Variants in CNTNAP2 observed in about 807,000 individuals in gnomAD.
CNTNAP2 encodes the protein contactin associated protein 2.
In CNTNAP2, 98 loss-of-function variants were observed where a neutral mutation model predicts 155.2. The ratio of observed to expected loss-of-function variants is 0.63; its 90% confidence interval spans 0.54 to 0.75. CNTNAP2 has a LOEUF of 0.75. Ranked by LOEUF, CNTNAP2 falls within the 30% of genes least tolerant of loss-of-function variation. CNTNAP2 has a pLI of 0.00. For synonymous variants in CNTNAP2, 651 were observed against 631.2 expected (o/e 1.03, Z -0.47); for missense variants, 1,727 against 1,688.1 (o/e 1.02, Z -0.40).
At position 146,255,790 on chromosome 7, in the gene CNTNAP2, T is replaced by A. The variant is rs569471893; in HGVS notation, c.97+138817T>A. On this transcript the variant is annotated intron_variant, in intron 1 of 23. Transcript: ENST00000361727. ...ATAGTTGGCATTTGTAGCTGGAAAG[T>A]GTAAGGGCCGGTTCCAGAGGTTTGC... Among the ~76,000 whole-genome samples the A allele has an allele frequency of 1.1e-4, 16 of 152,190 alleles. No individual in the cohort carries two copies. The East Asian group carries it at 3.1e-3, about 29-fold the overall frequency.
intron 9 of CNTNAP2, among the ~76,000 whole-genome samples, chr7:147,315,678 A>C (rs2620445): frequency 0.49 from 74,455 of 151,400 alleles, 19,457 homozygotes; most frequent in East Asian, 0.73. Flanking sequence ...GATGGCGTTT[A>C]ACTGTGTCAG....
chr7:146,548,003 G>A (rs1029546078), intron 1 of CNTNAP2, among the ~76,000 whole-genome samples: 1 of 151,626 alleles, frequency 6.6e-6, no homozygotes, highest in Non-Finnish European at 1.5e-5. Flanking sequence ...ACATGTGTAG[G>A]TTTGTTACAC....
At chr7:146,824,923 CTA>C (rs2129197223) in intron 2 of CNTNAP2, among the ~76,000 whole-genome samples, 1 of 149,574 alleles carries the variant, frequency 6.7e-6, no homozygotes, top group East Asian at 2.0e-4. Flanking sequence ...TAGCCCATTG[CTA>C]TGTCAACCAG....
intron 1 of CNTNAP2, among the ~76,000 whole-genome samples, chr7:146,734,614 G>T (rs1376534992): frequency 6.6e-6 from 1 of 151,936 alleles, no homozygotes; most frequent in Non-Finnish European, 1.5e-5. Context: ...ATTAAAATGT[G>T]GTATGGTCTA....
chr7:148,277,895 T>C (rs758344144), intron 21 of CNTNAP2, among the ~76,000 whole-genome samples: 14 of 152,090 alleles, frequency 9.2e-5, no homozygotes, highest in Non-Finnish European at 1.3e-4. Flanking sequence ...CAATTCTATT[T>C]TTATCACTAA....
At chr7:147,705,006 A>G (rs903565633) in intron 13 of CNTNAP2, among the ~76,000 whole-genome samples, 2 of 152,028 alleles carry the variant, frequency 1.3e-5, no homozygotes, top group African/African-American at 4.8e-5. Context: ...ATCTTTTAAA[A>G]AACCAACTTT....
At chr7:146,317,307 T>C (rs566737584) in intron 1 of CNTNAP2, among the ~76,000 whole-genome samples, 1 of 152,232 alleles carries the variant, frequency 6.6e-6, no homozygotes, top group African/African-American at 2.4e-5. Flanking sequence ...CAAGACAGGC[T>C]AAATCCAGTA....
chr7:147,429,196 G>A (rs755273626), intron 10 of CNTNAP2, among the ~76,000 whole-genome samples: 53 of 151,332 alleles, frequency 3.5e-4, no homozygotes, highest in Admixed American at 2.8e-3. Flanking sequence ...TTATCCACTT[G>A]TTGGTCAATG....
chr7:146,224,545 A>C (rs1177729082), intron 1 of CNTNAP2, among the ~76,000 whole-genome samples: 2 of 151,382 alleles, frequency 1.3e-5, no homozygotes, highest in African/African-American at 4.9e-5. Flanking sequence ...CAGGAGATTG[A>C]GACTATCCTG....
At chr7:146,745,937 G>A (rs1451925647) in intron 1 of CNTNAP2, among the ~76,000 whole-genome samples, 4 of 152,116 alleles carry the variant, frequency 2.6e-5, no homozygotes, top group East Asian at 3.9e-4. Flanking sequence ...AAACAGATGT[G>A]CTTTCAATAA....
At chr7:147,968,946 A>G (rs1288181262) in intron 14 of CNTNAP2, among the ~76,000 whole-genome samples, 1 of 152,228 alleles carries the variant, frequency 6.6e-6, no homozygotes, top group Non-Finnish European at 1.5e-5. Context: ...TAGGCAGAAA[A>G]GGTCTGAAGA....
chr7:147,831,192 G>C lies in CNTNAP2; in HGVS notation c.2099-72373G>C, dbSNP rs1474250377. The stretch of plus-strand genomic sequence containing the variant: ...GACATTAAATTAATCATAAATTATA[G>C]TGATTAATTACATTAAAACAGTAGC... On this transcript the variant is annotated intron_variant, in intron 13 of 23. Coordinates refer to ENST00000361727, the MANE Select transcript of CNTNAP2 (RefSeq NM_014141.6). 2.0e-5 allele frequency among the ~76,000 whole-genome samples: 3 copies of C among 152,094 alleles called. No individual in the cohort carries two copies. In the East Asian group the frequency reaches 5.8e-4, roughly 29 times the overall value.
chr7:148,000,186 G>A lies in CNTNAP2; in HGVS notation c.2383+22197G>A, dbSNP rs543944251. Among the ~76,000 whole-genome samples the A allele has an allele frequency of 3.3e-5, 5 of 152,236 alleles. No individual in the cohort carries two copies. The South Asian group carries it at 6.2e-4, about 19-fold the overall frequency. ...TGCGGAGTCAGTGAGGACACCCACCGCTCCCCTGCAGAGCAGTGTCTTGAG... is the reference window on the plus strand; with the variant it reads ...TGCGGAGTCAGTGAGGACACCCACCACTCCCCTGCAGAGCAGTGTCTTGAG... On this transcript the variant is annotated intron_variant, in intron 15 of 23. Coordinates refer to ENST00000361727, the MANE Select transcript of CNTNAP2 (RefSeq NM_014141.6).
At chr7:147,205,254 C>A (rs1908764) in intron 8 of CNTNAP2, among the ~76,000 whole-genome samples, 7 of 152,100 alleles carry the variant, frequency 4.6e-5, no homozygotes, top group Admixed American at 4.6e-4. Flanking sequence ...CTCCCTCCTT[C>A]TAAGTCTCCA....
chr7:147,715,637 C>T (rs552439137), intron 13 of CNTNAP2, among the ~76,000 whole-genome samples: 53 of 152,164 alleles, frequency 3.5e-4, no homozygotes, highest in Non-Finnish European at 4.3e-4. Context: ...TTCTCCCAGT[C>T]TGCAATTTGT....
At chr7:147,111,653 G>A (rs1800882718) in intron 5 of CNTNAP2, among the ~76,000 whole-genome samples, 1 of 152,056 alleles carries the variant, frequency 6.6e-6, no homozygotes, top group African/African-American at 2.4e-5. Context: ...GTTTTTGTCA[G>A]GTTTGTTGAA....
chr7:146,657,582 A>T (rs1484510893), intron 1 of CNTNAP2, among the ~76,000 whole-genome samples: 1 of 152,038 alleles, frequency 6.6e-6, no homozygotes, highest in Non-Finnish European at 1.5e-5. Flanking sequence ...TTGCATGGAC[A>T]CCAAATTTTG....
chr7:146,134,802 A>G (rs1314567892), intron 1 of CNTNAP2, among the ~76,000 whole-genome samples: 2 of 151,806 alleles, frequency 1.3e-5, no homozygotes, highest in East Asian at 1.9e-4. Flanking sequence ...GTGCTGCTGG[A>G]TTCGGTTTGC....
intron 8 of CNTNAP2, among the ~76,000 whole-genome samples, chr7:147,157,456 T>C (rs1349326918): frequency 1.3e-5 from 2 of 152,106 alleles, no homozygotes; most frequent in African/African-American, 4.8e-5. Flanking sequence ...CCCATAAATG[T>C]ACTTTTTCAG....
Sources: gnomAD v4.1 joint callset for allele counts (sites outside exome capture counted in the v4.1 genomes callset) on GRCh38, gnomAD v4.1.1 for gene constraint, MANE v1.5 for transcripts, NCBI Gene and HGNC (gene_info 2026-07-23, HGNC 2026-07-21) for gene names.